Variants in AFMID observed in about 807,000 individuals in gnomAD.
AFMID encodes the protein kynurenine formamidase.
AFMID carries 39 observed loss-of-function variants against 47.5 expected under a neutral mutation model. The ratio of observed to expected loss-of-function variants is 0.82; its 90% CI spans 0.64 to 1.07. The LOEUF is 1.07. AFMID is among the 50% of genes least tolerant of loss of function. The pLI is 0.00. For synonymous variants in AFMID, 130 were observed against 153.2 expected (o/e 0.85, Z 1.12); for missense variants, 375 against 387.5 (o/e 0.97, Z 0.27).
In AFMID at chr17:78,204,650, C is replaced by G; in HGVS notation, c.309-6C>G. 3 of 1,614,148 alleles carry G rather than the reference C, an allele frequency of 1.9e-6. No individual in the cohort carries two copies. Among genetic ancestry groups the G allele is most frequent in the Non-Finnish European group, 2.5e-6 (3 of 1,180,024 alleles). On this transcript the variant is annotated splice_polypyrimidine_tract_variant and splice_region_variant and intron_variant, in intron 4 of 10. Coordinates refer to ENST00000409257, the MANE Select transcript of AFMID (RefSeq NM_001010982.5). ...CTCCAGCTGTCACATCTGTGTGTCT[C>G]TGCAGTAAGGATGAGTCTGCCTTCA...
intron 2 of AFMID, chr17:78,197,177 A>G (rs1488242242): frequency 1.3e-6 from 2 of 1,550,400 alleles, no homozygotes; most frequent in East Asian, 4.9e-5. Flanking sequence ...TTAAATCACG[A>G]CCTTCTGATG....
intron 1 of AFMID, 143 bp downstream of exon 1, chr17:78,187,576 T>G: frequency 1.3e-6 from 1 of 763,508 alleles, no homozygotes; most frequent in African/African-American, 1.8e-5. Flanking sequence ...AGGTCCCCAG[T>G]GCTTGAGCAC....
At chr17:78,205,370 G>A (rs970750444) in intron 7 of AFMID, 70 bp from the exon 8 acceptor site, 61 of 1,551,576 alleles carry the variant, frequency 3.9e-5, no homozygotes, top group African/African-American at 8.2e-5. Flanking sequence ...CCCCTCTGGC[G>A]GTGGGGGTGG....
At chr17:78,191,670 CA>C (rs113967464) in intron 2 of AFMID, among the ~76,000 whole-genome samples, 41,268 of 128,532 alleles carry the variant, frequency 0.32, 7,312 homozygotes, top group East Asian at 0.55. Flanking sequence ...GACCCTGTCT[CA>C]AAAAAAAAAA....
intron 2 of AFMID, among the ~76,000 whole-genome samples, chr17:78,196,140 G>T (rs1379996158): frequency 6.6e-6 from 1 of 151,192 alleles, no homozygotes; most frequent in Non-Finnish European, 1.5e-5. Flanking sequence ...AAGGCGGTGG[G>T]AATCACTTGA....
chr17:78,188,001 G>A (rs1273470462), intron 1 of AFMID, among the ~76,000 whole-genome samples: 2 of 136,882 alleles, frequency 1.5e-5, no homozygotes, highest in Non-Finnish European at 3.1e-5. Context: ...CCATAGACCC[G>A]CAGGAGGTTA....
At chr17:78,201,202 G>A (rs532963885) in intron 2 of AFMID, among the ~76,000 whole-genome samples, 1 of 148,900 alleles carries the variant, frequency 6.7e-6, no homozygotes, top group South Asian at 2.2e-4. Flanking sequence ...GCTAAGGCAC[G>A]AGAATTGCTG....
At chr17:78,189,589 G>A (rs1289886353) in intron 1 of AFMID, among the ~76,000 whole-genome samples, 1 of 150,766 alleles carries the variant, frequency 6.6e-6, no homozygotes, top group Non-Finnish European at 1.5e-5. Context: ...CGCAATCTTG[G>A]CTCACTACAA....
At chr17:78,196,010 T>C (rs1203125547) in intron 2 of AFMID, among the ~76,000 whole-genome samples, 1 of 152,160 alleles carries the variant, frequency 6.6e-6, no homozygotes, top group Non-Finnish European at 1.5e-5. Context: ...CATGCCCAGC[T>C]AATTTTTTGA....
intron 2 of AFMID, among the ~76,000 whole-genome samples, chr17:78,202,137 C>T (rs2076260190): frequency 6.6e-6 from 1 of 151,686 alleles, no homozygotes; most frequent in South Asian, 2.1e-4. Context: ...GAAATTGCCG[C>T]CACCTGGCTG....
chr17:78,202,686 T>C lies in AFMID; in HGVS notation c.260-17T>C. 1 of 1,563,824 alleles carries C rather than the reference T, an allele frequency of 6.4e-7. No individual in the cohort carries two copies. Among genetic ancestry groups the C allele is most frequent in the Non-Finnish European group, 8.7e-7 (1 of 1,154,158 alleles). On this transcript the variant is annotated splice_polypyrimidine_tract_variant and intron_variant, in intron 3 of 10. Transcript: ENST00000409257. Reference sequence around the variant, plus strand: ...CAGGGCGGGCCTTGCTCACACGCCCTGTGCTTGGTTTTGCAGCCTTGCCTT... The same window carrying C: ...CAGGGCGGGCCTTGCTCACACGCCCCGTGCTTGGTTTTGCAGCCTTGCCTT...
At position 78,207,273 on chromosome 17, in the gene AFMID, CTTTTTTT is replaced by C. The variant is rs1163959276; in HGVS notation, c.*358_*364del. The C allele has an allele frequency of 7.4e-4, 63 of 85,344 alleles. No homozygotes were observed. The highest frequency in any genetic ancestry group is 5.7e-3 in the Middle Eastern group (1 of 174). 5.3% of individuals were successfully genotyped at this position (85,344 alleles called of 1,614,324 possible). ...ACGCTCAAAAGTAATGCCATTACTT[CTTTTTTT>C]TTTTTTTTTTTTTTTTTTTTTGAGA... On this transcript the variant is annotated 3_prime_UTR_variant, in exon 11 of 11. Coordinates refer to ENST00000409257, the MANE Select transcript of AFMID (RefSeq NM_001010982.5).
intron 2 of AFMID, chr17:78,197,487 C>G (rs894053541): frequency 1.7e-5 from 6 of 354,752 alleles, no homozygotes; most frequent in Middle Eastern, 7.7e-4. Context: ...TATCAGACAC[C>G]AACCCTGCTG....
At chr17:78,190,917 C>A in intron 1 of AFMID, 53 bp from the exon 2 acceptor site, 1 of 1,540,056 alleles carries the variant, frequency 6.5e-7, no homozygotes, top group East Asian at 2.3e-5. Flanking sequence ...GGGGGAGGGG[C>A]ACACTCTGTT....
At chr17:78,193,919 T>A (rs933178508) in intron 2 of AFMID, among the ~76,000 whole-genome samples, 33 of 147,468 alleles carry the variant, frequency 2.2e-4, no homozygotes, top group Middle Eastern at 3.5e-3. Context: ...GAGCTTGCAG[T>A]GAGCTGAGAT....
At chr17:78,199,531 C>T (rs1201968948) in intron 2 of AFMID, among the ~76,000 whole-genome samples, 17 of 152,096 alleles carry the variant, frequency 1.1e-4, no homozygotes, top group African/African-American at 3.4e-4. Flanking sequence ...TGCGCCACCA[C>T]GCCTGGCTAA....
rs909566846 is a variant in AFMID, at chr17:78,207,621, AAAG to A, written c.*687_*689del. ...TTTAAATAGTTCATAAAGAAGCACA[AAAG>A]AATATTATTTCATAACATGTAAAAA... On this transcript the variant is annotated 3_prime_UTR_variant, in exon 11 of 11. Transcript: ENST00000409257. 2 of 149,780 alleles carry A rather than the reference AAAG, an allele frequency of 1.3e-5. No homozygotes were observed. The highest frequency in any genetic ancestry group is 3.0e-5 in the Non-Finnish European group (2 of 66,966). The allele number at this position is 149,780 out of a possible 1,614,324, so 9.3% of individuals were successfully genotyped here.
Position 78,205,466 on chromosome 17 carries a change from G to A in AFMID, c.592G>A (p.Asp198Asn), listed in dbSNP as rs765133696. 1 of 1,614,156 alleles carries A rather than the reference G, an allele frequency of 6.2e-7. No homozygotes were observed. The highest frequency in any genetic ancestry group is 1.1e-5 in the South Asian group (1 of 91,078). ...CTTTTTCCTGGTGAGTGGGGTCTTT[G>A]ACCTGGAGCCCATCGTGTATACTTC... Reference protein sequence around the residue: ...RGFFLVSGVFDLEPIVYTSQN... With the variant: ...RGFFLVSGVFNLEPIVYTSQN... The change falls in exon 8 of 11, where the codon GAC (aspartate) becomes AAC (asparagine). Residue 198 changes from aspartate to asparagine, a missense_variant. Asp to Asn is a conservative substitution (Grantham distance 23). Coordinates refer to ENST00000409257, the MANE Select transcript of AFMID (RefSeq NM_001010982.5).
chr17:78,199,620 G>T (rs924641397), intron 2 of AFMID, among the ~76,000 whole-genome samples: 2 of 152,000 alleles, frequency 1.3e-5, no homozygotes, highest in African/African-American at 4.8e-5. Context: ...TGGTCCACCC[G>T]CCTCGGCCTC....
Sources: allele counts gnomAD v4.1 joint callset (sites outside exome capture counted in the v4.1 genomes callset), GRCh38; gene constraint gnomAD v4.1.1; transcripts MANE v1.5; gene names NCBI Gene and HGNC (gene_info 2026-07-23, HGNC 2026-07-21).